Variants in LRRK1 observed in about 807,000 individuals in gnomAD.
LRRK1 encodes leucine-rich repeat serine/threonine-protein kinase 1.
In LRRK1, 113 loss-of-function variants were observed where a neutral mutation model predicts 209.1. The observed-to-expected ratio is 0.54, with a 90% CI of 0.46 to 0.63. The LOEUF is 0.63. LRRK1 is among the 30% of genes least tolerant of loss of function. LRRK1 has a pLI of 0.00. For synonymous variants in LRRK1, 1,144 were observed against 1,099.7 expected (o/e 1.04, Z -0.80); for missense variants, 2,284 against 2,632.2 (o/e 0.87, Z 2.89).
chr15:100,993,747 C>T (rs2032272665), intron 6 of LRRK1, among the ~76,000 whole-genome samples: 1 of 152,204 alleles, frequency 6.6e-6, no homozygotes, highest in Non-Finnish European at 1.5e-5. Flanking sequence ...GATCCACCCA[C>T]TTCATATTTG....
At chr15:100,929,445 T>C (rs886815260) in intron 2 of LRRK1, among the ~76,000 whole-genome samples, 8 of 152,220 alleles carry the variant, frequency 5.3e-5, no homozygotes, top group Admixed American at 2.0e-4. Flanking sequence ...TCCAATGTCT[T>C]GTTTTTTTCT....
Position 101,066,162 on chromosome 15 carries a change from G to A in LRRK1, c.5725G>A (p.Ala1909Thr). 1 of 1,613,384 alleles carries A rather than the reference G, an allele frequency of 6.2e-7. No individual in the cohort carries two copies. Among genetic ancestry groups the A allele is most frequent in the Non-Finnish European group, 8.5e-7 (1 of 1,179,594 alleles). ...GGAGACCTTCAGCCAGCACCTGCAGGCCGTGAAGATCCTCGCCGTCAGAGA... is the reference window on the plus strand; with the variant it reads ...GGAGACCTTCAGCCAGCACCTGCAGACCGTGAAGATCCTCGCCGTCAGAGA... The part of the protein sequence containing the change: ...DGETFSQHLQ[A>T]VKILAVRDLI... Residue 1909 changes from alanine to threonine, a missense_variant, in exon 32 of 34, where the codon GCC becomes ACC. Ala to Thr is a moderately conservative substitution (Grantham distance 58). Around this residue, in one of 6 missense-constraint regions of LRRK1, gnomAD observed 643 missense variants for 695.9 expected, o/e 0.92. Transcript: ENST00000388948.
intron 33 of LRRK1, among the ~76,000 whole-genome samples, chr15:101,067,034 C>A (rs919546863): frequency 1.3e-5 from 2 of 152,202 alleles, no homozygotes; most frequent in Non-Finnish European, 2.9e-5. Flanking sequence ...CAGCTGCAAT[C>A]GACATGCAGA....
intron 2 of LRRK1, among the ~76,000 whole-genome samples, chr15:100,934,554 G>T (rs1432037624): frequency 1.4e-5 from 2 of 144,892 alleles, no homozygotes; most frequent in East Asian, 4.2e-4. Context: ...ACTCTGGGAG[G>T]CCAAGCAAGT....
At chr15:101,053,543 C>A in intron 26 of LRRK1, 123 bp downstream of exon 26, 1 of 808,462 alleles carries the variant, frequency 1.2e-6, no homozygotes, top group Non-Finnish European at 1.9e-6. Context: ...CAACCCATGG[C>A]TCGTGTGACC....
At chr15:100,986,374 T>C (rs1596238828) in intron 4 of LRRK1, among the ~76,000 whole-genome samples, 1 of 152,356 alleles carries the variant, frequency 6.6e-6, no homozygotes, top group African/African-American at 2.4e-5. Flanking sequence ...GGCCTTAGGC[T>C]GTAGAGAGTA....
rs147900013 is a variant in LRRK1 at position 101,023,793 on chromosome 15, G to C, written c.2068-1010G>C. Among the ~76,000 whole-genome samples the C allele has an allele frequency of 2.4e-3, 360 of 152,346 alleles. 4 individuals are homozygous for C. The highest frequency in any genetic ancestry group is 2.0e-3 in the Non-Finnish European group (136 of 68,030). ...AACTTGGAAGCTGGTCCTCCAAGGG[G>C]TGAAGCGCTGCCTGTTGGGGCCAGA... On this transcript the variant is annotated intron_variant, in intron 15 of 33. Coordinates refer to ENST00000388948, the MANE Select transcript of LRRK1 (RefSeq NM_024652.6).
At chr15:100,980,029 T>TA (rs1017110223) in intron 3 of LRRK1, among the ~76,000 whole-genome samples, 3 of 152,152 alleles carry the variant, frequency 2.0e-5, no homozygotes, top group Non-Finnish European at 2.9e-5. Context: ...TCAGTTTCTT[T>TA]AAAAAAACTA....
intron 6 of LRRK1, among the ~76,000 whole-genome samples, chr15:100,990,810 T>C (rs989212349): frequency 2.2e-4 from 34 of 152,102 alleles, no homozygotes; most frequent in Admixed American, 1.8e-3. Flanking sequence ...CTTTTTTTGT[T>C]ATCTTTTGTG....
intron 16 of LRRK1, 89 bp from the exon 17 acceptor site, chr15:101,025,876 G>A (rs2034004131): frequency 7.0e-7 from 1 of 1,427,816 alleles, no homozygotes; most frequent in African/African-American, 1.4e-5. Flanking sequence ...TGGCATCCAG[G>A]GTCAGCGCAC....
At position 101,021,202 on chromosome 15, in the gene LRRK1, G is replaced by A. The variant is rs1567237966; in HGVS notation, c.1739+20G>A. On this transcript the variant is annotated intron_variant, in intron 13 of 33. Transcript: ENST00000388948. ...GGGAAAGTAAGTACACATCTGGAGG[G>A]GCCGTGCTGGCTCTGCTGGCCCAGA... 1 of 1,613,432 alleles carries A rather than the reference G, an allele frequency of 6.2e-7. No homozygotes were observed. The highest frequency in any genetic ancestry group is 2.2e-5 in the East Asian group (1 of 44,872).
chr15:101,012,903 G>T (rs192010981), intron 10 of LRRK1, among the ~76,000 whole-genome samples: 18 of 152,168 alleles, frequency 1.2e-4, no homozygotes, highest in South Asian at 6.2e-4. Flanking sequence ...GTGCCCCCGG[G>T]GGGGGGTGGT....
At chr15:101,017,613 G>A (rs1281312515) in intron 12 of LRRK1, among the ~76,000 whole-genome samples, 1 of 152,110 alleles carries the variant, frequency 6.6e-6, no homozygotes, top group Non-Finnish European at 1.5e-5. Flanking sequence ...CCGCGTCTGT[G>A]AGGGCTCTAG....
intron 20 of LRRK1, among the ~76,000 whole-genome samples, chr15:101,039,905 G>C (rs1004598950): frequency 1.3e-5 from 2 of 152,012 alleles, no homozygotes; most frequent in Admixed American, 1.3e-4. Flanking sequence ...AACCAACTTT[G>C]TATTCCCAAG....
intron 2 of LRRK1, among the ~76,000 whole-genome samples, chr15:100,926,975 G>A (rs1195530464): frequency 6.6e-6 from 1 of 152,168 alleles, no homozygotes; most frequent in Non-Finnish European, 1.5e-5. Flanking sequence ...GTGAGCCACG[G>A]CGCCCGGCCA....
chr15:100,938,363 C>T (rs2042341279), intron 2 of LRRK1, among the ~76,000 whole-genome samples: 1 of 151,960 alleles, frequency 6.6e-6, no homozygotes, highest in Admixed American at 6.5e-5. Flanking sequence ...TACATGTATA[C>T]AATGTGTAAT....
At chr15:100,995,517 C>G (rs759117583) in intron 6 of LRRK1, among the ~76,000 whole-genome samples, 1 of 152,170 alleles carries the variant, frequency 6.6e-6, no homozygotes, top group African/African-American at 2.4e-5. Flanking sequence ...GTTTGCCTGG[C>G]TGGGCAGTGC....
intron 20 of LRRK1, 132 bp downstream of exon 20, chr15:101,029,364 GC>G (rs2034184272): frequency 3.2e-6 from 3 of 948,040 alleles, no homozygotes; most frequent in Admixed American, 5.8e-5. Context: ...CTACGGACAG[GC>G]CAGCACCCGA....
rs536390819 is a variant in LRRK1 at position 101,074,898 on chromosome 15, C to T, written c.*6050C>T. The T allele has an allele frequency of 6.6e-6, 1 of 151,548 alleles. No homozygotes were observed. Among genetic ancestry groups the T allele is most frequent in the Non-Finnish European group, 1.5e-5 (1 of 67,854 alleles). The allele number at this position is 151,548 out of a possible 1,614,324, so 9.4% of individuals were successfully genotyped here. A position where few individuals can be genotyped will look rare whatever the true frequency, so the allele number is the denominator to read the frequency against. ...CGTGTCCCATCTGTGCGGGACCCCA[C>T]TGGAAATCGGACTGTCCAACTCACC... On this transcript the variant is annotated 3_prime_UTR_variant, in exon 34 of 34. Transcript: ENST00000388948.
Sources: allele counts gnomAD v4.1 joint callset (sites outside exome capture counted in the v4.1 genomes callset), GRCh38; gene constraint gnomAD v4.1.1; regional missense constraint gnomAD v4.1.1; transcripts MANE v1.5; gene names NCBI Gene and HGNC (gene_info 2026-07-23, HGNC 2026-07-21).